Variants in CGGBP1 observed in about 807,000 individuals in gnomAD.
The protein encoded by CGGBP1 is CGG triplet repeat-binding protein 1.
In CGGBP1, 4 loss-of-function variants were observed where a neutral mutation model predicts 11.4. The ratio of observed to expected loss-of-function variants is 0.35; its 90% CI spans 0.17 to 0.80. The LOEUF (loss-of-function observed/expected upper bound fraction) is 0.80, where lower values mean the gene tolerates loss of function less well. Ranked by LOEUF, CGGBP1 falls within the 30% of genes least tolerant of loss-of-function variation. CGGBP1 has a pLI of 0.52. For synonymous variants in CGGBP1, 76 were observed against 74.1 expected, an observed-to-expected ratio of 1.03 and a Z score of -0.13; for missense variants, 135 against 202.1, an observed-to-expected ratio of 0.67 and a Z score of 2.01.
Position 88,140,143 on chromosome 3 carries a change from C to A in CGGBP1, c.-229+827G>T. On this transcript the variant is annotated intron_variant, in intron 2 of 3. Coordinates refer to the CGGBP1 transcript ENST00000462901. The stretch of plus-strand genomic sequence containing the variant: ...TGTTTGCATTTTAATTGCAACGAGT[C>A]GTTTAAGCTGCCGTTCCAGCTTGCC... The A allele has an allele frequency of 3.1e-6, 5 of 1,613,808 alleles. No homozygotes were observed. In the South Asian group the frequency reaches 5.5e-5, roughly 18 times the overall value.
chr3:88,056,197 G>A (rs1350373738), intron 3 of CGGBP1, 198 bp from the exon 4 acceptor site: 4 of 457,092 alleles, frequency 8.8e-6, no homozygotes, highest in African/African-American at 4.0e-5. Context: ...CTAACCAGTC[G>A]CAATCAGGTC....
intron 2 of CGGBP1, chr3:88,135,081 G>T: frequency 6.9e-7 from 1 of 1,451,056 alleles, no homozygotes; most frequent in Non-Finnish European, 9.0e-7. Context: ...TTCATATGGA[G>T]TAAACTACAG....
At chr3:88,074,451 C>T (rs533046073) in intron 2 of CGGBP1, among the ~76,000 whole-genome samples, 51 of 151,318 alleles carry the variant, frequency 3.4e-4, no homozygotes, top group East Asian at 1.6e-3. Context: ...AAGCAGCTCT[C>T]CTGCCTCAGC....
chr3:88,138,571 AAT>A (rs1706942492), intron 2 of CGGBP1: 4 of 471,572 alleles, frequency 8.5e-6, no homozygotes, highest in African/African-American at 2.0e-5. Context: ...AAGGCTACTA[AAT>A]ATGGAAAATT....
chr3:88,076,924 A>G (rs1707835237), intron 2 of CGGBP1, among the ~76,000 whole-genome samples: 1 of 152,182 alleles, frequency 6.6e-6, no homozygotes, highest in Admixed American at 6.5e-5. Context: ...GCAAGTAGCT[A>G]ACTCAAGAGG....
At chr3:88,104,782 A>G (rs1013873179) in intron 2 of CGGBP1, among the ~76,000 whole-genome samples, 1 of 152,256 alleles carries the variant, frequency 6.6e-6, no homozygotes, top group African/African-American at 2.4e-5. Context: ...AAACAGAACA[A>G]TGAATAGACA....
intron 2 of CGGBP1, among the ~76,000 whole-genome samples, chr3:88,072,753 C>CA (rs747345814): frequency 3.5e-4 from 53 of 151,882 alleles, no homozygotes; most frequent in Non-Finnish European, 4.1e-4. Context: ...TATCCCTCCA[C>CA]AAAAAAATGA....
intron 2 of CGGBP1, among the ~76,000 whole-genome samples, chr3:88,067,313 G>A (rs1341446511): frequency 6.6e-6 from 1 of 152,206 alleles, no homozygotes. Flanking sequence ...CGTTTGGTTT[G>A]ATATGTTGAA....
chr3:88,130,641 A>G (rs1266614030), intron 2 of CGGBP1, among the ~76,000 whole-genome samples: 3 of 99,644 alleles, frequency 3.0e-5, no homozygotes, highest in Non-Finnish European at 6.2e-5. Flanking sequence ...TTTTTGGTAG[A>G]GATGGGGATT....
chr3:88,073,206 G>A (rs1707615326), intron 2 of CGGBP1, among the ~76,000 whole-genome samples: 1 of 152,050 alleles, frequency 6.6e-6, no homozygotes, highest in Non-Finnish European at 1.5e-5. Flanking sequence ...TACAGAATCC[G>A]GAACTGTGGG....
chr3:88,111,057 GT>G (rs1705061382), intron 2 of CGGBP1, among the ~76,000 whole-genome samples: 1 of 151,996 alleles, frequency 6.6e-6, no homozygotes, highest in Non-Finnish European at 1.5e-5. Flanking sequence ...GTTCATTTCT[GT>G]GTTTTAGGAA....
At position 88,106,165 on chromosome 3, in the gene CGGBP1, A is replaced by G. The variant is rs957792436; in HGVS notation, c.-229+34805T>C. 5.9e-5 allele frequency among the ~76,000 whole-genome samples: 9 copies of G among 152,212 alleles called. No homozygotes were observed. In the East Asian group the frequency reaches 1.3e-3, roughly 23 times the overall value. ...GTCTCAGGTACTCTGTTACAGCTGT[A>G]CAATGGACTAAGATGTTCTTGAAGC... On this transcript the variant is annotated intron_variant, in intron 2 of 3. Transcript: ENST00000462901.
intron 2 of CGGBP1, among the ~76,000 whole-genome samples, chr3:88,081,538 A>G (rs1708077473): frequency 6.6e-6 from 1 of 152,158 alleles, no homozygotes; most frequent in Non-Finnish European, 1.5e-5. Flanking sequence ...CATTGCTAAC[A>G]TTTATTTAAT....
chr3:88,125,707 A>G (rs1255524151), intron 2 of CGGBP1, among the ~76,000 whole-genome samples: 1 of 152,098 alleles, frequency 6.6e-6, no homozygotes, highest in African/African-American at 2.4e-5. Context: ...CCAGAGAGAG[A>G]CTTTACATTT....
intron 2 of CGGBP1, among the ~76,000 whole-genome samples, chr3:88,064,205 C>T (rs1707065259): frequency 1.3e-5 from 2 of 151,784 alleles, no homozygotes; most frequent in South Asian, 4.2e-4. Context: ...CTATCACTGG[C>T]AACTCTTTCA....
At chr3:88,095,852 C>G (rs1442203142) in intron 2 of CGGBP1, 1 of 459,364 alleles carries the variant, frequency 2.2e-6, no homozygotes, top group Non-Finnish European at 4.2e-6. Context: ...AAAAGCCTTT[C>G]CACTTCAGCA....
intron 2 of CGGBP1, among the ~76,000 whole-genome samples, chr3:88,091,434 T>A (rs891798747): frequency 3.9e-5 from 6 of 152,256 alleles, no homozygotes; most frequent in Non-Finnish European, 5.9e-5. Context: ...GAAGAAGTAT[T>A]GCTGTTTCAG....
intron 2 of CGGBP1, chr3:88,086,430 C>T: frequency 1.4e-6 from 2 of 1,439,384 alleles, no homozygotes; most frequent in Non-Finnish European, 1.8e-6. Context: ...CTTATAAATG[C>T]ATTATTTTTC....
chr3:88,112,099 G>A (rs980620956), intron 2 of CGGBP1, among the ~76,000 whole-genome samples: 9 of 151,720 alleles, frequency 5.9e-5, no homozygotes, highest in African/African-American at 2.2e-4. Flanking sequence ...TTTTTGGTCT[G>A]TTGATATTTT....
Sources: allele counts gnomAD v4.1 joint callset (sites outside exome capture counted in the v4.1 genomes callset), GRCh38; gene constraint gnomAD v4.1.1; transcripts MANE v1.5; gene names NCBI Gene and HGNC (gene_info 2026-07-23, HGNC 2026-07-21).